LAMP2: variants seen among roughly 807,000 people sequenced by gnomAD.
LAMP2 encodes lysosome-associated membrane glycoprotein 2.
In LAMP2, 4 loss-of-function variants were observed where a neutral mutation model predicts 25.6. That is an observed-to-expected ratio of 0.16 (90% CI 0.08 to 0.36). The LOEUF is 0.36. LAMP2 is among the 10% of genes least tolerant of loss of function. The pLI is 1.00. For synonymous variants in LAMP2, 108 were observed against 112.7 expected (o/e 0.96, Z 0.27); for missense variants, 272 against 301.4 (o/e 0.90, Z 0.72).
intron 1 of LAMP2, 42 bp downstream of exon 1, chrX:120,469,064 G>A: frequency 8.5e-7 from 1 of 1,174,458 alleles, no homozygotes; most frequent in Non-Finnish European, 1.2e-6. Context: ...TGGTGCCCCG[G>A]GCCCAGGCGG....
Position 120,442,649 on chromosome X carries a change from C to T in LAMP2, c.878G>A (p.Arg293Gln), listed in dbSNP as rs1224940162. 3.3e-6 allele frequency: 4 copies of T among 1,207,305 alleles called. No homozygotes were observed. The highest frequency in any genetic ancestry group is 1.8e-5 in the South Asian group (1 of 56,865). Residue 293 changes from arginine to glutamine, a missense_variant, in exon 7 of 9, where the codon CGA becomes CAA. By Grantham distance (43) the Arg-to-Gln change is conservative. Transcript: ENST00000200639. Reference protein sequence around the residue: ...DFVFAVKNENRFYLKEVNISM... With the variant: ...DFVFAVKNENQFYLKEVNISM... Reference sequence around the variant, plus strand: ...GATGTTCACTTCCTTCAGATAAAATCGGTTTTCATTTTTCTGTTTGAAAAA... The same window carrying T: ...GATGTTCACTTCCTTCAGATAAAATTGGTTTTCATTTTTCTGTTTGAAAAA...
rs932356911 is a variant in LAMP2 at position 120,428,815 on chromosome X, C to A, written c.*2508G>T. 1 of 749,954 alleles carries A rather than the reference C, an allele frequency of 1.3e-6. No individual in the cohort carries two copies. The highest frequency in any genetic ancestry group is 1.6e-6 in the Non-Finnish European group (1 of 637,699). The allele number at this position is 749,954 out of a possible 1,213,427, so 61.8% of individuals were successfully genotyped here. ...TAAAATCACACGAAATTCCTCAGTA[C>A]GAAAAGCAGAAGGTAAGGGAAGAAT... On this transcript the variant is annotated 3_prime_UTR_variant, in exon 9 of 9. Coordinates refer to ENST00000200639, the MANE Select transcript of LAMP2 (RefSeq NM_002294.3).
chrX:120,452,555 C>CT lies in LAMP2; in HGVS notation c.397+2801dup, dbSNP rs1243890108. Among the ~76,000 whole-genome samples the CT allele has an allele frequency of 9.2e-4, 88 of 96,113 alleles. No individual in the cohort carries two copies. The South Asian group carries it at 0.015, about 16-fold the overall frequency. The allele number at this position is 96,113 out of a possible 115,157, so 83.5% of individuals were successfully genotyped here. On this transcript the variant is annotated intron_variant, in intron 3 of 8. Transcript: ENST00000200639. ...TCAGCCAGTCTTTTCTTTTTCTTTTCTTTTTTTTTTGAGACAGGGTCTCTC... is the reference window on the plus strand; with the variant it reads ...TCAGCCAGTCTTTTCTTTTTCTTTTCTTTTTTTTTTTGAGACAGGGTCTCTC...
chrX:120,453,189 G>T (rs1334564136), intron 3 of LAMP2, among the ~76,000 whole-genome samples: 1 of 111,826 alleles, frequency 8.9e-6, no homozygotes, highest in Admixed American at 9.5e-5. Flanking sequence ...AAACTGATAA[G>T]ATAGCCAATA....
intron 8 of LAMP2, among the ~76,000 whole-genome samples, chrX:120,440,608 G>C (rs1360780386): frequency 2.7e-5 from 3 of 112,003 alleles, no homozygotes; most frequent in Non-Finnish European, 5.6e-5. Flanking sequence ...CAGGTGACTA[G>C]ATAAACAGTC....
intron 1 of LAMP2, among the ~76,000 whole-genome samples, chrX:120,461,749 T>C (rs1921320974): frequency 8.9e-6 from 1 of 112,111 alleles, no homozygotes; most frequent in Non-Finnish European, 1.9e-5. Context: ...TTTCAATAAA[T>C]ACTGATTAAT....
At chrX:120,442,557 G>T in intron 7 of LAMP2, 42 bp downstream of exon 7, 2 of 1,054,313 alleles carry the variant, frequency 1.9e-6, no homozygotes, top group South Asian at 1.9e-5. Context: ...AATCCTTCAG[G>T]GTAATCCACA....
intron 8 of LAMP2, among the ~76,000 whole-genome samples, chrX:120,440,515 T>A (rs2058567144): frequency 8.9e-6 from 1 of 112,245 alleles, no homozygotes; most frequent in South Asian, 3.6e-4. Context: ...ATGCTGTATA[T>A]CTCTTTGGGT....
At position 120,453,969 on chromosome X, in the gene LAMP2, C is replaced by T. The variant is rs181984268; in HGVS notation, c.397+1388G>A. Reference sequence around the variant, plus strand: ...AATAACAGCAAATGTTGACTTTAGTCTCCCCTTATCCACGGTTTTTGCTTT... The same window carrying T: ...AATAACAGCAAATGTTGACTTTAGTTTCCCCTTATCCACGGTTTTTGCTTT... On this transcript the variant is annotated intron_variant, in intron 3 of 8. Coordinates refer to ENST00000200639, the MANE Select transcript of LAMP2 (RefSeq NM_002294.3). Among the ~76,000 whole-genome samples the T allele has an allele frequency of 7.2e-3, 805 of 112,012 alleles. 4 individuals are homozygous for T. Among genetic ancestry groups the T allele is most frequent in the Non-Finnish European group, 0.011 (605 of 53,207 alleles).
At chrX:120,438,159 G>GA (rs1357568821) in intron 8 of LAMP2, 1 of 748,332 alleles carries the variant, frequency 1.3e-6, no homozygotes, top group Non-Finnish European at 1.6e-6. Flanking sequence ...GCCCAGCCTA[G>GA]ATGCAAGTTA....
At chrX:120,447,177 G>A (rs1261831244) in intron 5 of LAMP2, among the ~76,000 whole-genome samples, 2 of 111,869 alleles carry the variant, frequency 1.8e-5, no homozygotes, top group East Asian at 2.8e-4. Flanking sequence ...AGGCTGAGGC[G>A]GGTGGATCAC....
intron 5 of LAMP2, 36 bp downstream of exon 5, chrX:120,447,805 C>CA (rs748848235): frequency 8.8e-7 from 1 of 1,129,981 alleles, no homozygotes; most frequent in Non-Finnish European, 1.2e-6. Flanking sequence ...AAATGAAATG[C>CA]AAAAAGGATG....
At chrX:120,449,179 G>T in intron 3 of LAMP2, 51 bp from the exon 4 acceptor site, 1 of 978,211 alleles carries the variant, frequency 1.0e-6, no homozygotes, top group Non-Finnish European at 1.4e-6. Context: ...GGAGAAAAGT[G>T]ATAATATAAA....
Position 120,469,076 on chromosome X carries a change from C to G in LAMP2, c.64+30G>C, listed in dbSNP as rs781543526. 8.3e-6 allele frequency: 10 copies of G among 1,199,667 alleles called. No individual in the cohort carries two copies. In the East Asian group the frequency reaches 3.0e-4, roughly 35 times the overall value. ...AACTGGTGCCCCGGGCCCAGGCGGA[C>G]AGACTAATCGGGAGGGCCCGACAAC... On this transcript the variant is annotated intron_variant, in intron 1 of 8. Coordinates refer to ENST00000200639, the MANE Select transcript of LAMP2 (RefSeq NM_002294.3).
intron 3 of LAMP2, among the ~76,000 whole-genome samples, chrX:120,453,282 T>C (rs753041773): frequency 4.5e-5 from 5 of 112,057 alleles, no homozygotes; most frequent in African/African-American, 1.6e-4. Flanking sequence ...CATTCTGCAA[T>C]ACCTCCCAAA....
At position 120,431,288 on chromosome X, in the gene LAMP2, C is replaced by A; in HGVS notation, c.*35G>T. ...AGAGGTAAGAAAATCTTGTTATTTG[C>A]ATGTATTTTTATATAATCAATCAGG... is the stretch of plus-strand genomic sequence containing the variant. On this transcript the variant is annotated 3_prime_UTR_variant, in exon 9 of 9. Coordinates refer to ENST00000200639, the MANE Select transcript of LAMP2 (RefSeq NM_002294.3). 8.3e-7 allele frequency: 1 copy of A among 1,208,141 alleles called. No individual in the cohort carries two copies. The highest frequency in any genetic ancestry group is 1.1e-6 in the Non-Finnish European group (1 of 892,641).
chrX:120,465,702 C>G (rs1921506745), intron 1 of LAMP2, among the ~76,000 whole-genome samples: 1 of 112,137 alleles, frequency 8.9e-6, no homozygotes, highest in African/African-American at 3.2e-5. Flanking sequence ...GCTAATAAGA[C>G]TATAAATTTA....
In LAMP2 at chrX:120,469,227, C is replaced by T; in HGVS notation, c.-58G>A. On this transcript the variant is annotated 5_prime_UTR_variant, in exon 1 of 9. Coordinates refer to ENST00000200639, the MANE Select transcript of LAMP2 (RefSeq NM_002294.3). Reference sequence around the variant, plus strand: ...GGCGGCGGTACAACAACAGCTGCAACACCAGGGAAAAGGCTCGCTGGACCT... The same window carrying T: ...GGCGGCGGTACAACAACAGCTGCAATACCAGGGAAAAGGCTCGCTGGACCT... 2 of 1,143,904 alleles carry T rather than the reference C, an allele frequency of 1.7e-6. No homozygotes were observed. Among genetic ancestry groups the T allele is most frequent in the Non-Finnish European group, 2.4e-6 (2 of 834,767 alleles). The allele number at this position is 1,143,904 out of a possible 1,213,427, so 94.3% of individuals were successfully genotyped here.
chrX:120,452,769 G>C (rs1302791938), intron 3 of LAMP2, among the ~76,000 whole-genome samples: 1 of 93,472 alleles, frequency 1.1e-5, no homozygotes, highest in Admixed American at 1.3e-4. Context: ...GCCCAGGCTA[G>C]TCTTGAACTC....
Sources: allele counts gnomAD v4.1 joint callset (sites outside exome capture counted in the v4.1 genomes callset), GRCh38; gene constraint gnomAD v4.1.1; transcripts MANE v1.5; gene names NCBI Gene and HGNC (gene_info 2026-07-23, HGNC 2026-07-21).